Variants in TRIM24 observed in about 807,000 individuals in gnomAD.
The protein encoded by TRIM24 is transcription intermediary factor 1-alpha.
A neutral mutation model predicts 123.9 loss-of-function variants in TRIM24; 29 were observed. The ratio of observed to expected loss-of-function variants is 0.23; its 90% confidence interval spans 0.17 to 0.32. TRIM24 has a LOEUF of 0.32. Ranked by LOEUF, TRIM24 falls within the 10% of genes least tolerant of loss-of-function variation. The pLI, the probability that TRIM24 is intolerant of heterozygous loss-of-function variation, is 1.00. For missense variants in TRIM24, 932 were observed against 1,295.3 expected, an observed-to-expected ratio of 0.72 and a Z score of 4.31; for synonymous variants, 456 against 461.1, an observed-to-expected ratio of 0.99 and a Z score of 0.14.
At chr7:138,488,764 C>A (rs1795710721) in intron 1 of TRIM24, among the ~76,000 whole-genome samples, 1 of 152,146 alleles carries the variant, frequency 6.6e-6, no homozygotes, top group African/African-American at 2.4e-5. Flanking sequence ...TGCTTTACTT[C>A]CAACTATGTG....
chr7:138,468,271 C>CT (rs1476587903), intron 1 of TRIM24, among the ~76,000 whole-genome samples: 6 of 152,034 alleles, frequency 3.9e-5, no homozygotes, highest in Non-Finnish European at 7.4e-5. Flanking sequence ...AATTTGTCTC[C>CT]TTTTTTTGTT....
At chr7:138,508,720 C>CGTGTGTGTGTGT (rs113425807) in intron 2 of TRIM24, among the ~76,000 whole-genome samples, 1 of 72,514 alleles carries the variant, frequency 1.4e-5, no homozygotes, top group African/African-American at 4.6e-5. Context: ...TGTGTGTGTG[C>CGTGTGTGTGTGT]GTGTGTGTGT....
intron 14 of TRIM24, among the ~76,000 whole-genome samples, chr7:138,578,565 C>T (rs372317328): frequency 0.017 from 1,781 of 105,454 alleles, 29 homozygotes; most frequent in African/African-American, 0.059. Flanking sequence ...TGTGTGTGTG[C>T]GCGCACGCAC....
intron 1 of TRIM24, among the ~76,000 whole-genome samples, chr7:138,488,740 C>CTG (rs1795710052): frequency 6.6e-6 from 1 of 152,190 alleles, no homozygotes; most frequent in African/African-American, 2.4e-5. Context: ...TGTTCTTTTA[C>CTG]ATTTACTGAG....
At chr7:138,584,146 C>A in intron 18 of TRIM24, 147 bp downstream of exon 18, 3 of 834,792 alleles carry the variant, frequency 3.6e-6, no homozygotes, top group Non-Finnish European at 5.4e-6. Flanking sequence ...AGAGATAATT[C>A]AGATAACTCT....
chr7:138,461,064 C>T, intron 1 of TRIM24, 152 bp downstream of exon 1: 1 of 848,216 alleles, frequency 1.2e-6, no homozygotes, highest in Non-Finnish European at 1.9e-6. Context: ...GCGACGGTGA[C>T]ATGGAGGGCC....
At chr7:138,468,430 A>G (rs965372485) in intron 1 of TRIM24, among the ~76,000 whole-genome samples, 3 of 151,682 alleles carry the variant, frequency 2.0e-5, no homozygotes, top group Non-Finnish European at 4.4e-5. Context: ...CTATAATGCT[A>G]TGTTATGGTC....
intron 1 of TRIM24, among the ~76,000 whole-genome samples, chr7:138,497,733 C>T (rs545071068): frequency 3.4e-4 from 52 of 152,048 alleles, no homozygotes; most frequent in African/African-American, 1.2e-3. Context: ...CTCTGTCACC[C>T]AGGCTGGAGT....
In TRIM24 at chr7:138,537,379, G is replaced by GTTTTTTTTTTTTTT. The variant is rs71177994; in HGVS notation, c.997-1262_997-1249dup. ...AACCACTCCTCCGCCACCCCTGTTT[G>GTTTTTTTTTTTTTT]TTTTTTTTTTTTTTTTTTTTTTTTT... On this transcript the variant is annotated intron_variant, in intron 6 of 18. Transcript: ENST00000343526. 6.2e-4 allele frequency among the ~76,000 whole-genome samples: 35 copies of GTTTTTTTTTTTTTT among 56,644 alleles called. 4 individuals carry two copies. Among genetic ancestry groups the GTTTTTTTTTTTTTT allele is most frequent in the African/African-American group, 7.9e-4 (11 of 14,004 alleles). The allele number at this position is 56,644 out of a possible 152,430, so 37.2% of individuals were successfully genotyped here. A position where few individuals can be genotyped will look rare whatever the true frequency, so the allele number is the denominator to read the frequency against.
chr7:138,567,131 G>A (rs1797550117), intron 9 of TRIM24, among the ~76,000 whole-genome samples: 1 of 152,100 alleles, frequency 6.6e-6, no homozygotes, highest in African/African-American at 2.4e-5. Flanking sequence ...GTTTCAAAAG[G>A]GTAGTTCTTT....
intron 6 of TRIM24, among the ~76,000 whole-genome samples, chr7:138,531,392 G>A (rs144093292): frequency 0.045 from 3,065 of 68,388 alleles, 112 homozygotes; most frequent in African/African-American, 0.16. Context: ...AACAGGCCCC[G>A]GTGTGTGATG....
intron 6 of TRIM24, among the ~76,000 whole-genome samples, chr7:138,530,383 AC>A (rs2116587999): frequency 6.6e-6 from 1 of 152,294 alleles, no homozygotes; most frequent in Non-Finnish European, 1.5e-5. Flanking sequence ...GAAGAGCTTT[AC>A]AAAGGAGATG....
At chr7:138,490,827 A>G (rs534683217) in intron 1 of TRIM24, 9 of 461,186 alleles carry the variant, frequency 2.0e-5, no homozygotes, top group Non-Finnish European at 3.8e-5. Context: ...CACATCTTTC[A>G]AGTCATTTGT....
chr7:138,477,020 G>T (rs1423956596), intron 1 of TRIM24, among the ~76,000 whole-genome samples: 3 of 150,818 alleles, frequency 2.0e-5, no homozygotes, highest in Non-Finnish European at 4.4e-5. Context: ...AGAAATCAAG[G>T]TGCAGAAGAA....
intron 2 of TRIM24, 46 bp downstream of exon 2, chr7:138,504,454 T>TG: frequency 1.9e-6 from 2 of 1,044,588 alleles, no homozygotes; most frequent in Non-Finnish European, 2.6e-6. Flanking sequence ...GCTCTTTTTT[T>TG]TTTTTTTTTT....
At chr7:138,470,166 C>G (rs1306279636) in intron 1 of TRIM24, among the ~76,000 whole-genome samples, 1 of 115,598 alleles carries the variant, frequency 8.7e-6, no homozygotes, top group Non-Finnish European at 1.6e-5. Context: ...GAGTCTCTCT[C>G]TGTCACCAGG....
intron 15 of TRIM24, 100 bp downstream of exon 15, chr7:138,579,632 C>A: frequency 2.0e-6 from 2 of 976,590 alleles, no homozygotes; most frequent in Non-Finnish European, 3.0e-6. Flanking sequence ...TTCCACTTGG[C>A]ACAAGTGTAT....
rs1430217160 is a variant in TRIM24, at chr7:138,586,558, G to A, written c.*1607G>A. On this transcript the variant is annotated 3_prime_UTR_variant, in exon 19 of 19. Transcript: ENST00000343526. ...GTCTTGTTCATAATATGTCAATTAT[G>A]TATTGTTAAAAAGTCCTACTCACTT... is the stretch of plus-strand genomic sequence containing the variant. The A allele has an allele frequency of 6.6e-6, 1 of 151,996 alleles. No individual in the cohort carries two copies. The highest frequency in any genetic ancestry group is 2.4e-5 in the African/African-American group (1 of 41,434). The allele number at this position is 151,996 out of a possible 1,614,324, so 9.4% of individuals were successfully genotyped here. A position where few individuals can be genotyped will look rare whatever the true frequency, so the allele number is the denominator to read the frequency against.
At chr7:138,529,022 T>C (rs891655024) in intron 5 of TRIM24, 94 bp from the exon 6 acceptor site, 2 of 615,694 alleles carry the variant, frequency 3.2e-6, no homozygotes, top group East Asian at 6.1e-5. Context: ...TTCTAAGGGC[T>C]GAAAACATTT....
Sources: gnomAD v4.1 joint callset for allele counts (sites outside exome capture counted in the v4.1 genomes callset) on GRCh38, gnomAD v4.1.1 for gene constraint, MANE v1.5 for transcripts, NCBI Gene and HGNC (gene_info 2026-07-23, HGNC 2026-07-21) for gene names.